RAB3IP: variants seen among roughly 807,000 people sequenced by gnomAD.
RAB3IP encodes the protein RAB3A interacting protein.
A neutral mutation model predicts 59.1 loss-of-function variants in RAB3IP; 36 were observed. The ratio of observed to expected loss-of-function variants is 0.61; its 90% CI spans 0.47 to 0.80. RAB3IP has a LOEUF of 0.80. Among genes scored for constraint, RAB3IP ranks in the 30% least tolerant of loss-of-function variants. The probability of loss-of-function intolerance (pLI) is 0.00; values close to 1 mark genes in which losing one functional copy is unlikely to be tolerated. For synonymous variants in RAB3IP, 207 were observed against 191.2 expected, an observed-to-expected ratio of 1.08 and a Z score of -0.68; for missense variants, 511 against 536.0, an observed-to-expected ratio of 0.95 and a Z score of 0.46.
intron 7 of RAB3IP, 80 bp downstream of exon 7, chr12:69,800,417 AAT>A (rs1403151421): frequency 8.7e-6 from 7 of 805,456 alleles, no homozygotes; most frequent in Non-Finnish European, 1.3e-5. Context: ...TACATATTTT[AAT>A]ATCTCTTACA....
At chr12:69,795,742 A>G (rs1003101716) in intron 6 of RAB3IP, 2 of 247,544 alleles carry the variant, frequency 8.1e-6, no homozygotes, top group Admixed American at 1.1e-4. Flanking sequence ...GCTTTTATTT[A>G]AATTCAGAGA....
At chr12:69,748,060 T>C (rs1228416945) in intron 1 of RAB3IP, among the ~76,000 whole-genome samples, 1 of 143,098 alleles carries the variant, frequency 7.0e-6, no homozygotes, top group Non-Finnish European at 1.5e-5. Flanking sequence ...AAGATAAAAA[T>C]CACAGCTTTA....
chr12:69,778,556 T>C (rs1040025614), intron 3 of RAB3IP, among the ~76,000 whole-genome samples: 3 of 125,978 alleles, frequency 2.4e-5, no homozygotes, highest in African/African-American at 8.9e-5. Flanking sequence ...TTATCTACTT[T>C]TGGTCTTTGA....
chr12:69,808,328 G>A (rs1262103634), intron 8 of RAB3IP, among the ~76,000 whole-genome samples: 1 of 152,142 alleles, frequency 6.6e-6, no homozygotes, highest in African/African-American at 2.4e-5. Context: ...GTCAACTTTG[G>A]AATAGGTGTG....
chr12:69,806,733 G>A (rs954432874), intron 8 of RAB3IP, among the ~76,000 whole-genome samples: 4 of 152,012 alleles, frequency 2.6e-5, no homozygotes, highest in East Asian at 1.9e-4. Flanking sequence ...GTGGCCTTCC[G>A]CAGTGTTTGT....
rs1167745095 is a variant in RAB3IP, at chr12:69,755,259, G to A, written c.-25-125G>A. On this transcript the variant is annotated intron_variant, in intron 1 of 10. Transcript: ENST00000247833. ...ATGTGATTGTGGTTTTTTAAAAAAAGCCTCTTTTATTGTAAGCTTATAATT... is the reference window on the plus strand; with the variant it reads ...ATGTGATTGTGGTTTTTTAAAAAAAACCTCTTTTATTGTAAGCTTATAATT... The A allele has an allele frequency of 2.8e-5, 25 of 878,146 alleles. No individual in the cohort carries two copies. In the South Asian group the frequency reaches 4.7e-4, roughly 16 times the overall value. The allele number at this position is 878,146 out of a possible 1,614,324, so 54.4% of individuals were successfully genotyped here.
intron 3 of RAB3IP, among the ~76,000 whole-genome samples, chr12:69,757,543 C>T (rs1470260259): frequency 6.6e-6 from 1 of 152,148 alleles, no homozygotes; most frequent in African/African-American, 2.4e-5. Flanking sequence ...ATATGAAAAA[C>T]TGCATATATA....
intron 4 of RAB3IP, among the ~76,000 whole-genome samples, chr12:69,793,577 T>G (rs911912998): frequency 1.3e-5 from 2 of 152,204 alleles, no homozygotes; most frequent in African/African-American, 4.8e-5. Context: ...CTTAATCCCT[T>G]ACAGGGATTA....
intron 1 of RAB3IP, chr12:69,739,869 G>A (rs1262166308): frequency 6.2e-7 from 1 of 1,614,028 alleles, no homozygotes; most frequent in South Asian, 1.1e-5. Context: ...AAGATGAAAG[G>A]GTAAGGTCTT....
At chr12:69,757,092 T>C (rs993933371) in intron 3 of RAB3IP, among the ~76,000 whole-genome samples, 1 of 152,254 alleles carries the variant, frequency 6.6e-6, no homozygotes, top group Non-Finnish European at 1.5e-5. Context: ...CCTTGGAGAA[T>C]TTTCTTGGTA....
At chr12:69,791,944 TG>T (rs923405848) in intron 4 of RAB3IP, among the ~76,000 whole-genome samples, 3 of 152,156 alleles carry the variant, frequency 2.0e-5, no homozygotes, top group Non-Finnish European at 2.9e-5. Context: ...AAAGAAAATG[TG>T]GGGGGTATGT....
rs2136304129 is a variant in RAB3IP, at chr12:69,821,268, T to G, written c.*5822T>G. On this transcript the variant is annotated 3_prime_UTR_variant, in exon 11 of 11. Transcript: ENST00000247833. The stretch of plus-strand genomic sequence containing the variant: ...AAGCAAACCCAAATCACAACTAGAT[T>G]AGATTACTATTCAAGAGAATGATTC... The G allele has an allele frequency of 6.6e-6, 1 of 152,292 alleles. No individual in the cohort carries two copies. The highest frequency in any genetic ancestry group is 1.9e-4 in the East Asian group (1 of 5,184). The allele number at this position is 152,292 out of a possible 1,614,324, so 9.4% of individuals were successfully genotyped here. A position where few individuals can be genotyped will look rare whatever the true frequency, so the allele number is the denominator to read the frequency against.
rs1881620158 is a variant in RAB3IP at position 69,820,648 on chromosome 12, T to A, written c.*5202T>A. ...CCGAGGCGGGCGGATCCCCTGAGGT[T>A]GGTAGTTCGAGACCTGCTTGGCCAA... On this transcript the variant is annotated 3_prime_UTR_variant, in exon 11 of 11. Transcript: ENST00000247833. 6.6e-6 allele frequency: 1 copy of A among 151,204 alleles called. No homozygotes were observed. Among genetic ancestry groups the A allele is most frequent in the African/African-American group, 2.4e-5 (1 of 41,002 alleles). 9.4% of individuals were successfully genotyped at this position (151,204 alleles called of 1,614,324 possible).
chr12:69,803,650 C>G (rs570469477), intron 8 of RAB3IP, among the ~76,000 whole-genome samples: 94 of 152,090 alleles, frequency 6.2e-4, no homozygotes, highest in African/African-American at 2.0e-3. Flanking sequence ...CTCCCCACTC[C>G]CCCAACCCCA....
chr12:69,788,334 T>C (rs990225939), intron 4 of RAB3IP, among the ~76,000 whole-genome samples: 2 of 152,160 alleles, frequency 1.3e-5, no homozygotes, highest in African/African-American at 4.8e-5. Context: ...TATTGCTTAT[T>C]GCTCCTGGGC....
chr12:69,803,017 C>A (rs1592600941), intron 8 of RAB3IP, among the ~76,000 whole-genome samples: 1 of 152,216 alleles, frequency 6.6e-6, no homozygotes, highest in Middle Eastern at 3.4e-3. Flanking sequence ...TTAATCATAG[C>A]AGTTTTCTTA....
intron 8 of RAB3IP, among the ~76,000 whole-genome samples, chr12:69,803,119 A>T (rs931604146): frequency 1.3e-4 from 19 of 151,176 alleles, no homozygotes; most frequent in African/African-American, 3.9e-4. Flanking sequence ...TATATATCAC[A>T]TATATATGTG....
At chr12:69,806,378 C>G (rs1328875215) in intron 8 of RAB3IP, among the ~76,000 whole-genome samples, 2 of 151,704 alleles carry the variant, frequency 1.3e-5, no homozygotes, top group Non-Finnish European at 2.9e-5. Context: ...CTATTTGATT[C>G]TTCTCTCTTT....
chr12:69,741,237 C>T (rs1887307447), intron 1 of RAB3IP, among the ~76,000 whole-genome samples: 1 of 152,108 alleles, frequency 6.6e-6, no homozygotes, highest in South Asian at 2.1e-4. Flanking sequence ...TGGACATTCC[C>T]GGGATATAGG....
Sources: gnomAD v4.1 joint callset for allele counts (sites outside exome capture counted in the v4.1 genomes callset) on GRCh38, gnomAD v4.1.1 for gene constraint, MANE v1.5 for transcripts, NCBI Gene and HGNC (gene_info 2026-07-23, HGNC 2026-07-21) for gene names.